The following MCPH1 variants were observed in gnomAD, a reference collection of about 807,000 sequenced individuals.
MCPH1 encodes the protein microcephalin.
In MCPH1, 104 loss-of-function variants were observed where a neutral mutation model predicts 84.5. The observed-to-expected ratio is 1.23, with a 90% CI of 1.05 to 1.45. MCPH1 has a LOEUF of 1.45. MCPH1 is among the 40% of genes most tolerant of loss of function. MCPH1 has a pLI of 0.00. For synonymous variants in MCPH1, 514 were observed against 366.8 expected, an observed-to-expected ratio of 1.40 and a Z score of -4.58; for missense variants, 1,498 against 1,005.7, an observed-to-expected ratio of 1.49 and a Z score of -6.62.
At chr8:6,641,727 G>C (rs1179784251) in intron 13 of MCPH1, among the ~76,000 whole-genome samples, 1 of 152,184 alleles carries the variant, frequency 6.6e-6, no homozygotes, top group Non-Finnish European at 1.5e-5. Flanking sequence ...CTGCGTGACT[G>C]AGCAAGACCC....
intron 13 of MCPH1, chr8:6,622,176 C>T (rs998064280): frequency 2.0e-5 from 4 of 204,014 alleles, no homozygotes; most frequent in South Asian, 1.9e-4. Flanking sequence ...AGACGTCAAA[C>T]GACTCCATCT....
chr8:6,410,273 C>T (rs1036288147), intron 2 of MCPH1, among the ~76,000 whole-genome samples: 1 of 151,940 alleles, frequency 6.6e-6, no homozygotes, highest in Non-Finnish European at 1.5e-5. Context: ...CGAGCCCGGC[C>T]AGGAGTAATT....
intron 13 of MCPH1, among the ~76,000 whole-genome samples, chr8:6,632,698 A>C (rs1586880555): frequency 1.3e-5 from 2 of 152,254 alleles, no homozygotes; most frequent in East Asian, 1.9e-4. Flanking sequence ...AGTCCCAGCT[A>C]CTCGGGAGGC....
chr8:6,411,856 A>G (rs1460925874), intron 2 of MCPH1, among the ~76,000 whole-genome samples: 2 of 152,048 alleles, frequency 1.3e-5, no homozygotes, highest in South Asian at 2.1e-4. Flanking sequence ...TTAGAACTTA[A>G]CCCCCGTGGA....
chr8:6,527,663 G>C, intron 12 of MCPH1: 2 of 1,613,574 alleles, frequency 1.2e-6, no homozygotes, highest in African/African-American at 2.7e-5. Flanking sequence ...AAGTCTCGTG[G>C]TCTGATTTAA....
At chr8:6,621,345 A>C in intron 12 of MCPH1, 109 bp from the exon 13 acceptor site, 1 of 1,347,462 alleles carries the variant, frequency 7.4e-7, no homozygotes, top group South Asian at 1.2e-5. Context: ...GCAGCCTTAC[A>C]TTCAGTCTAT....
chr8:6,591,192 C>G (rs568971278), intron 12 of MCPH1, among the ~76,000 whole-genome samples: 1 of 152,368 alleles, frequency 6.6e-6, no homozygotes, highest in African/African-American at 2.4e-5. Flanking sequence ...CCACCACGAC[C>G]GGCCAAGGCC....
intron 3 of MCPH1, among the ~76,000 whole-genome samples, chr8:6,422,837 C>T (rs1241079581): frequency 3.9e-5 from 6 of 152,146 alleles, no homozygotes; most frequent in South Asian, 2.1e-4. Context: ...TACCGGAGCC[C>T]GCCACCACGC....
chr8:6,447,945 C>T (rs1365735355), intron 8 of MCPH1, among the ~76,000 whole-genome samples: 1 of 152,050 alleles, frequency 6.6e-6, no homozygotes, highest in African/African-American at 2.4e-5. Context: ...GATACATTCC[C>T]ATTGTAACAA....
chr8:6,471,768 C>T (rs1261323538), intron 9 of MCPH1, among the ~76,000 whole-genome samples: 1 of 152,146 alleles, frequency 6.6e-6, no homozygotes, highest in Non-Finnish European at 1.5e-5. Flanking sequence ...GAAGCCTGTA[C>T]CCAAAAGTAC....
intron 12 of MCPH1, among the ~76,000 whole-genome samples, chr8:6,592,820 A>AT (rs67091563): frequency 0.25 from 32,997 of 134,002 alleles, 4,169 homozygotes; most frequent in East Asian, 0.41. Context: ...ACACCTGGCA[A>AT]TTTTTTTTTT....
intron 9 of MCPH1, among the ~76,000 whole-genome samples, chr8:6,476,328 C>G (rs1311998864): frequency 6.6e-6 from 1 of 150,534 alleles, no homozygotes; most frequent in Non-Finnish European, 1.5e-5. Flanking sequence ...AGTTGGGAGG[C>G]TGAGGCATGA....
At chr8:6,481,525 A>T (rs1809240126) in intron 11 of MCPH1, among the ~76,000 whole-genome samples, 1 of 152,170 alleles carries the variant, frequency 6.6e-6, no homozygotes, top group Non-Finnish European at 1.5e-5. Context: ...ATCACTTGTT[A>T]CGTATGTTAC....
At chr8:6,454,632 A>T (rs1056108913) in intron 8 of MCPH1, among the ~76,000 whole-genome samples, 8 of 152,226 alleles carry the variant, frequency 5.3e-5, no homozygotes, top group African/African-American at 1.9e-4. Context: ...GTGTGTCTTC[A>T]TGGCAAGACG....
At chr8:6,439,142 C>G (rs777266601) in intron 6 of MCPH1, 46 bp downstream of exon 6, 19 of 1,570,766 alleles carry the variant, frequency 1.2e-5, no homozygotes, top group Middle Eastern at 1.7e-4. Context: ...ATAGCCGATT[C>G]AATTATGGTG....
intron 12 of MCPH1, chr8:6,509,132 T>C: frequency 6.4e-7 from 1 of 1,559,146 alleles, no homozygotes; most frequent in South Asian, 1.2e-5. Flanking sequence ...AAATTTTTTG[T>C]GATGAAGAAT....
At chr8:6,465,659 C>A (rs541266607) in intron 9 of MCPH1, among the ~76,000 whole-genome samples, 1 of 149,780 alleles carries the variant, frequency 6.7e-6, no homozygotes, top group East Asian at 2.0e-4. Context: ...GAGAGTGAAC[C>A]AAAACAAGGA....
chr8:6,447,356 A>G, intron 8 of MCPH1: 2 of 985,266 alleles, frequency 2.0e-6, no homozygotes, highest in Non-Finnish European at 2.4e-6. Context: ...CTGTACAGCA[A>G]ACTGTACCTC....
At chr8:6,628,588 G>A (rs963880406) in intron 13 of MCPH1, among the ~76,000 whole-genome samples, 1 of 151,826 alleles carries the variant, frequency 6.6e-6, no homozygotes, top group Non-Finnish European at 1.5e-5. Context: ...AACATTTTAT[G>A]TGTATTAGAA....
Sources: gnomAD v4.1 joint callset for allele counts (sites outside exome capture counted in the v4.1 genomes callset) on GRCh38, gnomAD v4.1.1 for gene constraint, MANE v1.5 for transcripts, NCBI Gene and HGNC (gene_info 2026-07-23, HGNC 2026-07-21) for gene names.